PRSS23: variants seen among roughly 807,000 people sequenced by gnomAD.
The protein encoded by PRSS23 is serine protease 23.
A neutral mutation model predicts 34.7 loss-of-function variants in PRSS23; 25 were observed. The observed-to-expected ratio is 0.72, with a 90% CI of 0.53 to 1.01. The LOEUF (loss-of-function observed/expected upper bound fraction) is 1.01. Ranked by LOEUF, PRSS23 falls within the 50% of genes least tolerant of loss-of-function variation. The pLI is 0.00. For synonymous variants in PRSS23, 176 were observed against 186.6 expected, an observed-to-expected ratio of 0.94 and a Z score of 0.46; for missense variants, 445 against 475.6, an observed-to-expected ratio of 0.94 and a Z score of 0.60.
intron 1 of PRSS23, among the ~76,000 whole-genome samples, chr11:86,792,424 T>A (rs1270507561): frequency 2.0e-5 from 3 of 152,218 alleles, no homozygotes; most frequent in Admixed American, 2.0e-4. Flanking sequence ...AGACCCTGGA[T>A]GCCTCTCTGG....
intron 2 of PRSS23, among the ~76,000 whole-genome samples, chr11:86,930,588 G>A (rs1051685316): frequency 2.0e-5 from 3 of 152,194 alleles, no homozygotes; most frequent in Non-Finnish European, 1.5e-5. Context: ...TCAGGAGATC[G>A]AGACCATCCT....
intron 1 of PRSS23, among the ~76,000 whole-genome samples, chr11:86,819,708 C>T (rs943930135): frequency 6.6e-6 from 1 of 152,146 alleles, no homozygotes; most frequent in Non-Finnish European, 1.5e-5. Context: ...GCTGTACATT[C>T]TTGTCTCAAA....
At chr11:86,902,524 C>A (rs966397484) in intron 2 of PRSS23, among the ~76,000 whole-genome samples, 4 of 152,134 alleles carry the variant, frequency 2.6e-5, no homozygotes, top group Non-Finnish European at 5.9e-5. Context: ...AAGAGAGATG[C>A]CCTAGAAATT....
At chr11:86,884,262 C>G (rs763570217) in intron 2 of PRSS23, among the ~76,000 whole-genome samples, 1 of 152,146 alleles carries the variant, frequency 6.6e-6, no homozygotes, top group African/African-American at 2.4e-5. Flanking sequence ...ATTCACCCCC[C>G]ACATTGCCAA....
At chr11:86,925,868 T>C (rs1949077500) in intron 2 of PRSS23, among the ~76,000 whole-genome samples, 1 of 152,240 alleles carries the variant, frequency 6.6e-6, no homozygotes, top group Non-Finnish European at 1.5e-5. Flanking sequence ...GCAAATGTGC[T>C]ACTTTTAATG....
At chr11:86,929,962 AG>A (rs1251285480) in intron 2 of PRSS23, among the ~76,000 whole-genome samples, 2 of 152,194 alleles carry the variant, frequency 1.3e-5, no homozygotes, top group African/African-American at 4.8e-5. Flanking sequence ...ATGTGTAAAA[AG>A]TATATACATT....
intron 2 of PRSS23, among the ~76,000 whole-genome samples, chr11:86,920,962 T>C (rs919332120): frequency 4.6e-5 from 7 of 152,204 alleles, no homozygotes; most frequent in African/African-American, 1.4e-4. Flanking sequence ...TAAGAAACTT[T>C]CTTTCTTGAA....
rs531350929 is a variant in PRSS23, at chr11:86,918,206, A to C, written c.207-33010A>C. Among the ~76,000 whole-genome samples the C allele has an allele frequency of 1.6e-4, 21 of 135,416 alleles. 1 individual carries two copies. The East Asian group carries it at 3.1e-3, about 20-fold the overall frequency. The allele number at this position is 135,416 out of a possible 152,430, so 88.8% of individuals were successfully genotyped here. The stretch of plus-strand genomic sequence containing the variant: ...ATAAAGCTATTGTGTCAGTATATAC[A>C]GAAATGAATGTAAATGCAGAGATGA... On this transcript the variant is annotated intron_variant, in intron 2 of 2. Coordinates refer to the PRSS23 transcript ENST00000533902.
At chr11:86,905,293 A>G (rs973962163) in intron 2 of PRSS23, among the ~76,000 whole-genome samples, 5 of 152,124 alleles carry the variant, frequency 3.3e-5, no homozygotes, top group Admixed American at 6.5e-5. Flanking sequence ...TGGAATAATA[A>G]TCTCTTTCTG....
At chr11:86,843,891 T>C (rs981813696) in intron 2 of PRSS23, among the ~76,000 whole-genome samples, 4 of 152,208 alleles carry the variant, frequency 2.6e-5, no homozygotes, top group African/African-American at 9.6e-5. Flanking sequence ...AAATACCATC[T>C]GACCCAGCAA....
intron 2 of PRSS23, among the ~76,000 whole-genome samples, chr11:86,885,368 C>T (rs949922783): frequency 4.6e-5 from 7 of 152,172 alleles, no homozygotes; most frequent in South Asian, 2.1e-4. Context: ...AAATTAGAGG[C>T]GAAGTCCCAT....
At chr11:86,855,066 G>A (rs1433256615) in intron 2 of PRSS23, among the ~76,000 whole-genome samples, 1 of 152,076 alleles carries the variant, frequency 6.6e-6, no homozygotes, top group Non-Finnish European at 1.5e-5. Context: ...TCGGGAGGCT[G>A]AGGCAGGAGA....
intron 2 of PRSS23, among the ~76,000 whole-genome samples, chr11:86,842,682 G>C (rs1948457487): frequency 6.6e-6 from 1 of 152,174 alleles, no homozygotes; most frequent in African/African-American, 2.4e-5. Flanking sequence ...CTGTGAGAAA[G>C]AGAATAAAAT....
intron 2 of PRSS23, among the ~76,000 whole-genome samples, chr11:86,825,910 A>G (rs1271151679): frequency 5.3e-5 from 8 of 152,170 alleles, no homozygotes; most frequent in Admixed American, 5.2e-4. Context: ...GAAGTCAGGT[A>G]GGGTGATGCC....
Position 86,808,046 on chromosome 11 carries a change from A to G in PRSS23, c.403A>G (p.Ser135Gly). ...RRKRQIYGYD[S>G]RFSIFGKDFL... ...GAAGCGGCAGATTTATGGCTATGAC[A>G]GCAGGTTCAGCATTTTTGGGAAGGA... The change falls in exon 2 of 2, where the codon AGC becomes GGC. Residue 135 changes from serine (S) to glycine (G), a missense_variant. Ser to Gly is a moderately conservative substitution (Grantham distance 56). Transcript: ENST00000280258. 24 of 1,614,064 alleles carry G rather than the reference A, an allele frequency of 1.5e-5. No individual in the cohort carries two copies. Among genetic ancestry groups the G allele is most frequent in the Non-Finnish European group, 2.0e-5 (24 of 1,180,006 alleles).
intron 2 of PRSS23, among the ~76,000 whole-genome samples, chr11:86,842,102 C>T (rs778603372): frequency 2.0e-5 from 3 of 152,142 alleles, no homozygotes; most frequent in Admixed American, 1.3e-4. Flanking sequence ...GTCAGCTTCA[C>T]CCCTGGGATG....
intron 1 of PRSS23, among the ~76,000 whole-genome samples, chr11:86,819,391 T>A (rs1294415210): frequency 2.6e-5 from 4 of 152,220 alleles, no homozygotes; most frequent in Admixed American, 1.3e-4. Flanking sequence ...CCATTTTTTT[T>A]TAGAGAGAGA....
chr11:86,849,895 C>T (rs968477112), intron 2 of PRSS23, among the ~76,000 whole-genome samples: 4 of 152,176 alleles, frequency 2.6e-5, no homozygotes, highest in East Asian at 1.9e-4. Context: ...TCCTCCAAAA[C>T]TGAAGAGCCC....
chr11:86,878,233 C>CGT (rs1590908411), intron 2 of PRSS23, among the ~76,000 whole-genome samples: 1 of 84,794 alleles, frequency 1.2e-5, no homozygotes, highest in African/African-American at 6.2e-5. Flanking sequence ...TACCCCTCCC[C>CGT]CTCCCTCTCC....
Sources: allele counts gnomAD v4.1 joint callset (sites outside exome capture counted in the v4.1 genomes callset), GRCh38; gene constraint gnomAD v4.1.1; transcripts MANE v1.5; gene names NCBI Gene and HGNC (gene_info 2026-07-23, HGNC 2026-07-21).